The following CDH13 variants were observed in gnomAD, a reference collection of about 807,000 sequenced individuals.
CDH13 encodes the protein cadherin-13.
CDH13 carries 24 observed loss-of-function variants against 63.8 expected under a neutral mutation model. The observed-to-expected ratio is 0.38, with a 90% CI of 0.27 to 0.53. CDH13 has a LOEUF of 0.53. Ranked by LOEUF, CDH13 falls within the 20% of genes least tolerant of loss-of-function variation. The pLI is 0.85. For synonymous variants in CDH13, 503 were observed against 355.3 expected (o/e 1.42, Z -4.67); for missense variants, 1,049 against 903.1 (o/e 1.16, Z -2.07).
chr16:83,594,969 C>T lies in CDH13; in HGVS notation c.961-7485C>T, dbSNP rs79142323. Among the ~76,000 whole-genome samples, 619 of 152,232 alleles carry T rather than the reference C, an allele frequency of 4.1e-3. 4 individuals are homozygous for T. Among genetic ancestry groups the T allele is most frequent in the African/African-American group, 0.014 (591 of 41,536 alleles). ...TCGAGGCTTTTTCTTGCAGACATAC[C>T]ATCTTGCTTTTGTTTCTAGAATATA... On this transcript the variant is annotated intron_variant, in intron 7 of 13. Coordinates refer to ENST00000567109, the MANE Select transcript of CDH13 (RefSeq NM_001257.5).
chr16:83,746,144 TA>T (rs1290000586), intron 10 of CDH13, among the ~76,000 whole-genome samples: 4 of 152,230 alleles, frequency 2.6e-5, no homozygotes, highest in African/African-American at 9.6e-5. Flanking sequence ...GCTAGAAATT[TA>T]TTCTCCCACA....
At chr16:82,701,709 G>C (rs763199434) in intron 1 of CDH13, among the ~76,000 whole-genome samples, 3 of 152,076 alleles carry the variant, frequency 2.0e-5, no homozygotes, top group Non-Finnish European at 4.4e-5. Flanking sequence ...AGCATTTCCA[G>C]TGGAGAGAAG....
At chr16:83,545,330 C>T (rs1488968721) in intron 7 of CDH13, among the ~76,000 whole-genome samples, 1 of 152,156 alleles carries the variant, frequency 6.6e-6, no homozygotes, top group South Asian at 2.1e-4. Flanking sequence ...AGTGGATGTG[C>T]TAAATTAGAT....
chr16:83,102,177 G>C (rs12923398), intron 3 of CDH13, among the ~76,000 whole-genome samples: 143,880 of 152,248 alleles, frequency 0.95, 68,497 homozygotes, highest in East Asian at 1. Flanking sequence ...GATACCTTCT[G>C]GTGTACATCT....
rs1912970004 is a variant in CDH13 at position 83,750,262 on chromosome 16, C to G, written c.1681+2012C>G. Among the ~76,000 whole-genome samples the G allele has an allele frequency of 2.0e-5, 3 of 152,054 alleles. No individual in the cohort carries two copies. In the South Asian group the frequency reaches 6.2e-4, roughly 32 times the overall value. ...AGTGAGCCGAGATTATGCCACTGCA[C>G]TCCAGCCGGGGTGACAGAGTGAGAC... On this transcript the variant is annotated intron_variant, in intron 11 of 13. Transcript: ENST00000567109.
intron 2 of CDH13, among the ~76,000 whole-genome samples, chr16:82,889,298 T>TTCTCTCTC (rs1485537386): frequency 8.3e-6 from 1 of 120,824 alleles, no homozygotes. Flanking sequence ...TGTCTCTCTA[T>TTCTCTCTC]TATCTCTCTC....
intron 3 of CDH13, among the ~76,000 whole-genome samples, chr16:83,110,193 G>T (rs1209749325): frequency 1.3e-5 from 2 of 152,148 alleles, no homozygotes; most frequent in African/African-American, 4.8e-5. Flanking sequence ...GTGTTTTCAG[G>T]ATGGCCCAAC....
chr16:82,934,725 A>G (rs1456065939), intron 2 of CDH13, among the ~76,000 whole-genome samples: 1 of 152,168 alleles, frequency 6.6e-6, no homozygotes, highest in Non-Finnish European at 1.5e-5. Flanking sequence ...ACAGATCTCT[A>G]GGGCAAGGGC....
At chr16:83,427,571 C>T (rs1291618793) in intron 6 of CDH13, among the ~76,000 whole-genome samples, 2 of 152,186 alleles carry the variant, frequency 1.3e-5, no homozygotes, top group African/African-American at 2.4e-5. Flanking sequence ...TGTTTTAAGT[C>T]ACTAAGATGG....
chr16:83,166,990 T>C (rs1449924245), intron 4 of CDH13, among the ~76,000 whole-genome samples: 2 of 152,168 alleles, frequency 1.3e-5, no homozygotes, highest in African/African-American at 4.8e-5. Flanking sequence ...TGAAAATGCC[T>C]CTATTTGCTG....
chr16:83,342,288 T>C (rs116644054), intron 5 of CDH13, among the ~76,000 whole-genome samples: 3,068 of 152,332 alleles, frequency 0.02, 46 homozygotes, highest in African/African-American at 0.042. Context: ...GAAATTATCT[T>C]GTTCATATCT....
intron 2 of CDH13, among the ~76,000 whole-genome samples, chr16:82,914,393 C>T (rs536777111): frequency 3.9e-5 from 6 of 152,112 alleles, no homozygotes; most frequent in Admixed American, 2.6e-4. Context: ...AATGAGCCTA[C>T]GTTCAGCAAT....
intron 2 of CDH13, among the ~76,000 whole-genome samples, chr16:82,881,714 C>G (rs1423165199): frequency 6.6e-6 from 1 of 152,274 alleles, no homozygotes; most frequent in East Asian, 1.9e-4. Flanking sequence ...CTTCCATAGT[C>G]ACTATTGCCC....
chr16:82,878,005 C>A (rs2040565799), intron 2 of CDH13, among the ~76,000 whole-genome samples: 1 of 151,414 alleles, frequency 6.6e-6, no homozygotes, highest in Non-Finnish European at 1.5e-5. Context: ...TATTCTCATT[C>A]TGCTAAACTA....
chr16:82,721,262 C>T (rs1370025156), intron 1 of CDH13, among the ~76,000 whole-genome samples: 3 of 151,940 alleles, frequency 2.0e-5, no homozygotes, highest in Admixed American at 6.6e-5. Flanking sequence ...CATACATAAA[C>T]AAAGGATCAT....
intron 9 of CDH13, among the ~76,000 whole-genome samples, chr16:83,672,845 A>C (rs1316732989): frequency 4.6e-5 from 7 of 152,210 alleles, no homozygotes; most frequent in Admixed American, 4.6e-4. Flanking sequence ...TCCAAACTTC[A>C]GGTCTGGAAA....
At chr16:82,900,983 GC>G (rs2041447530) in intron 2 of CDH13, among the ~76,000 whole-genome samples, 1 of 152,138 alleles carries the variant, frequency 6.6e-6, no homozygotes. Context: ...TGATCCAGGA[GC>G]CCAGAATGCC....
chr16:83,082,577 G>T (rs1378092798), intron 3 of CDH13, among the ~76,000 whole-genome samples: 1 of 152,164 alleles, frequency 6.6e-6, no homozygotes, highest in Non-Finnish European at 1.5e-5. Context: ...GGAGGCAGAG[G>T]TTGCAGTGAG....
intron 2 of CDH13, among the ~76,000 whole-genome samples, chr16:82,896,845 G>A (rs1443869867): frequency 1.6e-5 from 2 of 123,488 alleles, no homozygotes; most frequent in Non-Finnish European, 3.1e-5. Context: ...TAGTGGTGCA[G>A]TCTCGGCTCA....
Sources: gnomAD v4.1 joint callset for allele counts (sites outside exome capture counted in the v4.1 genomes callset) on GRCh38, gnomAD v4.1.1 for gene constraint, MANE v1.5 for transcripts, NCBI Gene and HGNC (gene_info 2026-07-23, HGNC 2026-07-21) for gene names.